Variants in PLEKHA8 observed in about 807,000 individuals in gnomAD.
PLEKHA8 encodes the protein pleckstrin homology domain containing A8.
A neutral mutation model predicts 68.2 loss-of-function variants in PLEKHA8; 36 were observed. The ratio of observed to expected loss-of-function variants is 0.53; its 90% CI spans 0.40 to 0.70. The LOEUF (loss-of-function observed/expected upper bound fraction) is 0.70. Ranked by LOEUF, PLEKHA8 falls within the 30% of genes least tolerant of loss-of-function variation. PLEKHA8 has a pLI of 0.00. For synonymous variants in PLEKHA8, 211 were observed against 216.1 expected (o/e 0.98, Z 0.20); for missense variants, 505 against 615.4 (o/e 0.82, Z 1.90).
intron 13 of PLEKHA8, among the ~76,000 whole-genome samples, chr7:30,096,780 A>G (rs1336787506): frequency 2.6e-5 from 4 of 152,116 alleles, no homozygotes; most frequent in South Asian, 4.1e-4. Context: ...TCTTTATCCA[A>G]TTTACCAGTC....
At chr7:30,055,690 G>A (rs2127982034) in intron 9 of PLEKHA8, among the ~76,000 whole-genome samples, 1 of 152,202 alleles carries the variant, frequency 6.6e-6, no homozygotes, top group South Asian at 2.1e-4. Context: ...TTTTGAGACA[G>A]GCTCTTGCTT....
At chr7:30,069,072 A>G (rs560721957) in intron 12 of PLEKHA8, among the ~76,000 whole-genome samples, 111 of 152,266 alleles carry the variant, frequency 7.3e-4, no homozygotes, top group African/African-American at 2.5e-3. Context: ...TTGCCCACCT[A>G]TGCTTTAAAA....
chr7:30,106,814 G>A lies in PLEKHA8; in HGVS notation c.1363-22452G>A, dbSNP rs190126251. Among the ~76,000 whole-genome samples the A allele has an allele frequency of 3.0e-3, 450 of 152,280 alleles. 5 individuals carry two copies. Among genetic ancestry groups the A allele is most frequent in the African/African-American group, 0.01 (431 of 41,564 alleles). Reference sequence around the variant, plus strand: ...AAGTGATGTGTAGGTATTGTATTGGGCATTATAAGTAATTTATAAATGATT... The same window carrying A: ...AAGTGATGTGTAGGTATTGTATTGGACATTATAAGTAATTTATAAATGATT... On this transcript the variant is annotated intron_variant, in intron 13 of 13. Transcript: ENST00000396257.
intron 13 of PLEKHA8, among the ~76,000 whole-genome samples, chr7:30,126,758 G>C (rs917817093): frequency 4.6e-5 from 7 of 152,344 alleles, no homozygotes; most frequent in African/African-American, 1.7e-4. Context: ...AGGCTAGAGA[G>C]AAGAACTTAT....
chr7:30,033,887 C>A (rs185936249), intron 1 of PLEKHA8, among the ~76,000 whole-genome samples: 120 of 151,420 alleles, frequency 7.9e-4, no homozygotes, highest in African/African-American at 2.7e-3. Flanking sequence ...ATTTCTCTGA[C>A]TTAATGATGT....
intron 5 of PLEKHA8, 32 bp from the exon 6 acceptor site, chr7:30,050,402 T>C: frequency 1.3e-6 from 2 of 1,554,568 alleles, no homozygotes; most frequent in Non-Finnish European, 1.7e-6. Flanking sequence ...AAGTTTAACA[T>C]GTGAACTTTC....
chr7:30,096,270 T>C (rs1795615864), intron 13 of PLEKHA8, among the ~76,000 whole-genome samples: 1 of 152,230 alleles, frequency 6.6e-6, no homozygotes, highest in Admixed American at 6.5e-5. Context: ...CCTAGGTATT[T>C]TATTCTCTTT....
Position 30,078,764 on chromosome 7 carries a change from C to T in PLEKHA8, c.1537C>T (p.Leu513=). 1 of 1,613,572 alleles carries T rather than the reference C, an allele frequency of 6.2e-7. No homozygotes were observed. Among genetic ancestry groups the T allele is most frequent in the South Asian group, 1.1e-5 (1 of 91,056 alleles). ...GGACACTTTATATGAGGTCCACGGGCTGGAATCTGATGAGGTGGTATGATG... is the reference window on the plus strand; with the variant it reads ...GGACACTTTATATGAGGTCCACGGGTTGGAATCTGATGAGGTGGTATGATG... ...ILDTLYEVHG[L]ESDEVV The change falls in exon 14 of 14, where the codon CTG becomes TTG. Residue 513 remains leucine, a synonymous_variant. Transcript: ENST00000449726.
intron 1 of PLEKHA8, among the ~76,000 whole-genome samples, chr7:30,035,943 G>A (rs1421843348): frequency 6.6e-6 from 1 of 151,796 alleles, no homozygotes; most frequent in African/African-American, 2.4e-5. Flanking sequence ...ACCTCGCCCG[G>A]CCATATATTC....
Position 30,097,753 on chromosome 7 carries a change from T to C in PLEKHA8, c.1362+23621T>C, listed in dbSNP as rs188466258. Reference sequence around the variant, plus strand: ...CTAATTTTTTTGCAAGGTTTTAACTTCTTTGCCATTGGTTCGAACTTCTTC... The same window carrying C: ...CTAATTTTTTTGCAAGGTTTTAACTCCTTTGCCATTGGTTCGAACTTCTTC... On this transcript the variant is annotated intron_variant, in intron 13 of 13. Coordinates refer to the PLEKHA8 transcript ENST00000396257. 2.0e-5 allele frequency among the ~76,000 whole-genome samples: 3 copies of C among 152,334 alleles called. No homozygotes were observed. In the East Asian group the frequency reaches 5.8e-4, roughly 29 times the overall value.
At position 30,056,312 on chromosome 7, in the gene PLEKHA8, C is replaced by CTCTCTCTCTCTCTA. The variant is rs796845171; in HGVS notation, c.1039+971_1039+972insCTCTCTCTCTCTAT. On this transcript the variant is annotated intron_variant, in intron 9 of 13. Transcript: ENST00000449726. ...TCTCTCTCTCTCTCTCTCTCTCTCT[C>CTCTCTCTCTCTCTA]TATATATATATATATATATAAATAA... 4.1e-3 allele frequency among the ~76,000 whole-genome samples: 386 copies of CTCTCTCTCTCTCTA among 94,524 alleles called. 11 individuals carry two copies. The highest frequency in any genetic ancestry group is 8.1e-3 in the South Asian group (21 of 2,602). 62.0% of individuals were successfully genotyped at this position (94,524 alleles called of 152,430 possible).
exon 14 of PLEKHA8, chr7:30,129,407 C>G (rs1236109694): frequency 7.5e-7 from 1 of 1,340,116 alleles, no homozygotes; most frequent in Non-Finnish European, 1.1e-6. Flanking sequence ...CCAATTCCGT[C>G]CTGCACTGCC....
At chr7:30,099,326 C>T (rs1795758813) in intron 13 of PLEKHA8, among the ~76,000 whole-genome samples, 1 of 152,198 alleles carries the variant, frequency 6.6e-6, no homozygotes, top group African/African-American at 2.4e-5. Flanking sequence ...CAGAAACACT[C>T]TGCTCTCCAG....
intron 6 of PLEKHA8, among the ~76,000 whole-genome samples, chr7:30,052,111 G>A (rs888133738): frequency 6.6e-5 from 10 of 152,208 alleles, no homozygotes; most frequent in Non-Finnish European, 1.5e-4. Context: ...GGAGAAAACT[G>A]ATGGAAAACC....
intron 13 of PLEKHA8, among the ~76,000 whole-genome samples, chr7:30,099,218 A>G (rs1795755150): frequency 6.6e-6 from 1 of 152,194 alleles, no homozygotes; most frequent in African/African-American, 2.4e-5. Context: ...TTTCAGTAGA[A>G]GTGTCTCCAC....
At chr7:30,029,974 A>G (rs1336875659) in intron 1 of PLEKHA8, among the ~76,000 whole-genome samples, 1 of 152,214 alleles carries the variant, frequency 6.6e-6, no homozygotes, top group Non-Finnish European at 1.5e-5. Context: ...AATCATTAAT[A>G]GAGACTAAAT....
At chr7:30,118,189 T>C (rs568894124) in intron 13 of PLEKHA8, 20 of 468,968 alleles carry the variant, frequency 4.3e-5, no homozygotes, top group African/African-American at 3.6e-4. Flanking sequence ...TATGTGAGAG[T>C]ATCCTGAGTT....
chr7:30,035,041 A>G (rs951496248), intron 1 of PLEKHA8, among the ~76,000 whole-genome samples: 3 of 152,104 alleles, frequency 2.0e-5, no homozygotes, highest in East Asian at 3.8e-4. Context: ...AGGTAAGAGT[A>G]CAGCTTTTTT....
In PLEKHA8 at chr7:30,083,597, T is replaced by C. The variant is rs1427528050; in HGVS notation, c.*4810T>C. 2 of 985,304 alleles carry C rather than the reference T, an allele frequency of 2.0e-6. No individual in the cohort carries two copies. Among genetic ancestry groups the C allele is most frequent in the African/African-American group, 3.5e-5 (2 of 57,222 alleles). 61.0% of individuals were successfully genotyped at this position (985,304 alleles called of 1,614,324 possible). On this transcript the variant is annotated 3_prime_UTR_variant, in exon 14 of 14. Transcript: ENST00000449726. ...CTCTCTGGTACAGTTGATGCATGCA[T>C]TGATCTTTCTTCTCTGCTGTTTTTA...
Sources: allele counts gnomAD v4.1 joint callset (sites outside exome capture counted in the v4.1 genomes callset), GRCh38; gene constraint gnomAD v4.1.1; transcripts MANE v1.5; gene names NCBI Gene and HGNC (gene_info 2026-07-23, HGNC 2026-07-21).